PPDPFL: variants seen among roughly 807,000 people sequenced by gnomAD.
The protein encoded by PPDPFL is pancreatic progenitor cell differentiation and proliferation factor-like protein.
Under a neutral mutation model 12.6 loss-of-function variants are expected in PPDPFL, and 12 were observed. The ratio of observed to expected loss-of-function variants is 0.95; its 90% CI spans 0.61 to 1.54. The LOEUF is 1.54. PPDPFL is among the 40% of genes most tolerant of loss of function. The pLI is 0.00. For synonymous variants in PPDPFL, 24 were observed against 32.7 expected (o/e 0.73, Z 0.91); for missense variants, 114 against 96.0 (o/e 1.19, Z -0.78).
At chr8:49,074,657 G>C in intron 4 of PPDPFL, 7 of 1,519,522 alleles carry the variant, frequency 4.6e-6, no homozygotes, top group Non-Finnish European at 6.1e-6. Flanking sequence ...CATACCTTCA[G>C]GAAAAGAATA....
At chr8:49,063,681 G>A (rs1450222793) in intron 1 of PPDPFL, among the ~76,000 whole-genome samples, 1 of 151,956 alleles carries the variant, frequency 6.6e-6, no homozygotes, top group African/African-American at 2.4e-5. Flanking sequence ...TGGCACCAGT[G>A]CACTCCAGCC....
chr8:49,061,568 GAGAGGGTCTGGGGAA>G (rs1222114504), intron 1 of PPDPFL, among the ~76,000 whole-genome samples: 1 of 152,212 alleles, frequency 6.6e-6, no homozygotes, highest in African/African-American at 2.4e-5. Flanking sequence ...TCCGGTGTTT[GAGAGGGTCTGGGGAA>G]AGAGGGTCTG....
Position 49,075,420 on chromosome 8 carries a change from T to C in PPDPFL, c.*247T>C, listed in dbSNP as rs992396895. On this transcript the variant is annotated 3_prime_UTR_variant, in exon 5 of 5. Transcript: ENST00000522267. Reference sequence around the variant, plus strand: ...CACTGATATAAAAAAAGTTTAGGCATTTTTCTCAACACAAAGACTATCGCT... The same window carrying C: ...CACTGATATAAAAAAAGTTTAGGCACTTTTCTCAACACAAAGACTATCGCT... 6.7e-6 allele frequency: 5 copies of C among 745,088 alleles called. No individual in the cohort carries two copies. Among genetic ancestry groups the C allele is most frequent in the African/African-American group, 3.5e-5 (2 of 57,664 alleles). The allele number at this position is 745,088 out of a possible 1,614,324, so 46.2% of individuals were successfully genotyped here. A position where few individuals can be genotyped will look rare whatever the true frequency, so the allele number is the denominator to read the frequency against.
intron 1 of PPDPFL, among the ~76,000 whole-genome samples, chr8:49,064,104 G>T (rs1808256309): frequency 6.6e-6 from 1 of 152,104 alleles, no homozygotes; most frequent in Non-Finnish European, 1.5e-5. Flanking sequence ...CAGACAACTG[G>T]TACCATGTGG....
chr8:49,058,413 G>A (rs1808144645), intron 1 of PPDPFL, among the ~76,000 whole-genome samples: 1 of 152,186 alleles, frequency 6.6e-6, no homozygotes, highest in South Asian at 2.1e-4. Context: ...GACAGTGAAA[G>A]AATACCAAGC....
At chr8:49,074,444 G>T in intron 4 of PPDPFL, 111 bp downstream of exon 4, 5 of 1,552,666 alleles carry the variant, frequency 3.2e-6, no homozygotes, top group Non-Finnish European at 8.7e-7. Context: ...CTTGAGAGCA[G>T]TGAGCCTTGC....
At chr8:49,055,462 A>T (rs1038917287) in intron 1 of PPDPFL, among the ~76,000 whole-genome samples, 1 of 152,144 alleles carries the variant, frequency 6.6e-6, no homozygotes, top group African/African-American at 2.4e-5. Flanking sequence ...TGTTAGGTTG[A>T]TATGTCCTGG....
intron 1 of PPDPFL, among the ~76,000 whole-genome samples, chr8:49,062,841 CA>C: frequency 6.6e-6 from 1 of 152,206 alleles, no homozygotes; most frequent in African/African-American, 2.4e-5. Flanking sequence ...GAAGCTAGAT[CA>C]AAAAATATTC....
chr8:49,072,182 G>A (rs2129245896), upstream of PPDPFL, among the ~76,000 whole-genome samples: 1 of 152,374 alleles, frequency 6.6e-6, no homozygotes, highest in South Asian at 2.1e-4. Context: ...GCAGGCTGCT[G>A]CGTTCGGAGG....
chr8:49,061,918 A>G (rs1231989296), intron 1 of PPDPFL, among the ~76,000 whole-genome samples: 2 of 152,206 alleles, frequency 1.3e-5, no homozygotes, highest in Non-Finnish European at 2.9e-5. Context: ...TTGAATCACA[A>G]GATTGTCCCA....
intron 1 of PPDPFL, among the ~76,000 whole-genome samples, chr8:49,062,535 G>T (rs1302399098): frequency 2.0e-5 from 3 of 152,182 alleles, no homozygotes; most frequent in African/African-American, 4.8e-5. Context: ...GTTTCACTGA[G>T]AAAATCAGTG....
chr8:49,065,664 G>GT (rs2129244648), intron 1 of PPDPFL, among the ~76,000 whole-genome samples: 1 of 152,322 alleles, frequency 6.6e-6, no homozygotes, highest in South Asian at 2.1e-4. Context: ...TGTAAACAAT[G>GT]TAAGTTAGGG....
At chr8:49,065,655 G>A (rs942669571) in intron 1 of PPDPFL, among the ~76,000 whole-genome samples, 2 of 152,192 alleles carry the variant, frequency 1.3e-5, no homozygotes, top group African/African-American at 4.8e-5. Context: ...TGTAAGTTGT[G>A]TAAACAATGT....
At chr8:49,071,287 C>A (rs72641624), upstream of PPDPFL, among the ~76,000 whole-genome samples, 2 of 152,130 alleles carry the variant, frequency 1.3e-5, no homozygotes, top group Non-Finnish European at 2.9e-5. Flanking sequence ...CTGAACAAAT[C>A]GAATCAGCAA....
chr8:49,063,098 T>A (rs944883843), intron 1 of PPDPFL, among the ~76,000 whole-genome samples: 1 of 152,142 alleles, frequency 6.6e-6, no homozygotes, highest in African/African-American at 2.4e-5. Context: ...TTCTCAGGGG[T>A]CAGAAATGTC....
intron 1 of PPDPFL, among the ~76,000 whole-genome samples, chr8:49,056,484 T>C (rs1203589321): frequency 1.3e-5 from 2 of 152,198 alleles, no homozygotes; most frequent in East Asian, 3.8e-4. Context: ...ATTTATTAGA[T>C]TACTTGAGTT....
At chr8:49,061,379 G>T (rs1458190542) in intron 1 of PPDPFL, among the ~76,000 whole-genome samples, 1 of 152,122 alleles carries the variant, frequency 6.6e-6, no homozygotes, top group Non-Finnish European at 1.5e-5. Flanking sequence ...CATTCATCTA[G>T]GACTTCTCCT....
intron 1 of PPDPFL, among the ~76,000 whole-genome samples, chr8:49,059,369 G>T (rs1326527280): frequency 6.6e-6 from 1 of 152,114 alleles, no homozygotes. Flanking sequence ...AGCCAGGGGA[G>T]TAAGGCTTAG....
chr8:49,062,708 A>C (rs927022211), intron 1 of PPDPFL, among the ~76,000 whole-genome samples: 3 of 152,212 alleles, frequency 2.0e-5, no homozygotes, highest in African/African-American at 7.2e-5. Flanking sequence ...GAATAGCAGC[A>C]CAGGATGCCC....
Sources: allele counts gnomAD v4.1 joint callset (sites outside exome capture counted in the v4.1 genomes callset), GRCh38; gene constraint gnomAD v4.1.1; transcripts MANE v1.5; gene names NCBI Gene and HGNC (gene_info 2026-07-23, HGNC 2026-07-21).